The following PIBF1 variants were observed in gnomAD, a reference collection of about 807,000 sequenced individuals.
PIBF1 encodes the protein progesterone immunomodulatory binding factor 1.
PIBF1 carries 90 observed loss-of-function variants against 112.5 expected under a neutral mutation model. The observed-to-expected ratio is 0.80, with a 90% CI of 0.67 to 0.95. The LOEUF (loss-of-function observed/expected upper bound fraction) is 0.95, where lower values mean the gene tolerates loss of function less well. Among genes scored for constraint, PIBF1 ranks in the 40% least tolerant of loss-of-function variants. The pLI is 0.00. For missense variants in PIBF1, 915 were observed against 852.3 expected, an observed-to-expected ratio of 1.07 and a Z score of -0.92; for synonymous variants, 301 against 288.6, an observed-to-expected ratio of 1.04 and a Z score of -0.44.
intron 5 of PIBF1, among the ~76,000 whole-genome samples, chr13:72,800,270 A>T (rs1289690424): frequency 6.6e-6 from 1 of 152,222 alleles, no homozygotes; most frequent in Non-Finnish European, 1.5e-5. Flanking sequence ...TCCTGGCCTC[A>T]AGAGATCCAC....
chr13:72,794,796 C>G (rs1255774867), intron 3 of PIBF1, among the ~76,000 whole-genome samples: 3 of 152,164 alleles, frequency 2.0e-5, no homozygotes, highest in African/African-American at 7.2e-5. Context: ...TTGGGTATGT[C>G]TTTATTAGTA....
intron 16 of PIBF1, among the ~76,000 whole-genome samples, chr13:72,986,676 C>CTTTTTTTTTTTTTTTTTT (rs765529786): frequency 1.1e-5 from 1 of 89,006 alleles, no homozygotes; most frequent in Non-Finnish European, 2.1e-5. Context: ...TTTCTGTCAT[C>CTTTTTTTTTTTTTTTTTT]TTTTTTTTTT....
intron 14 of PIBF1, among the ~76,000 whole-genome samples, chr13:72,949,296 C>CTTTTTTTTTTTTTTTTTT (rs1566481258): frequency 9.0e-6 from 1 of 110,906 alleles, no homozygotes. Context: ...AGACAAATAG[C>CTTTTTTTTTTTTTTTTTT]TGTCTTTTTT....
At chr13:72,799,501 T>G (rs561404714) in intron 5 of PIBF1, among the ~76,000 whole-genome samples, 9 of 152,296 alleles carry the variant, frequency 5.9e-5, no homozygotes, top group African/African-American at 2.2e-4. Context: ...AGTTGTTTTC[T>G]TTTCTTCTCC....
intron 10 of PIBF1, among the ~76,000 whole-genome samples, chr13:72,863,009 G>A (rs1184831572): frequency 6.6e-6 from 1 of 152,034 alleles, no homozygotes; most frequent in Non-Finnish European, 1.5e-5. Context: ...GGGAATTGAT[G>A]GTAAGAGAAA....
intron 5 of PIBF1, among the ~76,000 whole-genome samples, chr13:72,802,986 G>A (rs1027489680): frequency 1.3e-5 from 2 of 152,180 alleles, no homozygotes; most frequent in Non-Finnish European, 2.9e-5. Flanking sequence ...TGTTTCAAAT[G>A]CTGTTGATAG....
chr13:72,844,869 A>C (rs1477608112), intron 9 of PIBF1, among the ~76,000 whole-genome samples: 1 of 144,964 alleles, frequency 6.9e-6, no homozygotes, highest in Non-Finnish European at 1.5e-5. Flanking sequence ...CTCCCCGCCG[A>C]CCTCAGCCTC....
intron 14 of PIBF1, among the ~76,000 whole-genome samples, chr13:72,953,794 G>A (rs1391361650): frequency 6.6e-6 from 1 of 152,120 alleles, no homozygotes; most frequent in Non-Finnish European, 1.5e-5. Context: ...CCAGGAGGTG[G>A]TGCTTGCAAA....
At chr13:72,793,855 C>G (rs1454240729) in intron 3 of PIBF1, among the ~76,000 whole-genome samples, 1 of 152,074 alleles carries the variant, frequency 6.6e-6, no homozygotes, top group Non-Finnish European at 1.5e-5. Flanking sequence ...GAGTAAAAAG[C>G]CTGAGTTCAA....
chr13:73,002,228 T>A (rs2043893023), intron 17 of PIBF1, among the ~76,000 whole-genome samples: 1 of 152,222 alleles, frequency 6.6e-6, no homozygotes, highest in Admixed American at 6.5e-5. Context: ...CCCAGTTTAG[T>A]TATGTTCTTA....
chr13:72,944,618 TTTTG>T (rs2042100250), intron 14 of PIBF1, among the ~76,000 whole-genome samples: 1 of 152,130 alleles, frequency 6.6e-6, no homozygotes, highest in African/African-American at 2.4e-5. Context: ...AAAGCTGCAT[TTTTG>T]TTTTATTTTT....
intron 10 of PIBF1, among the ~76,000 whole-genome samples, chr13:72,869,625 T>A (rs9543151): frequency 0.64 from 75,241 of 118,190 alleles, 20,269 homozygotes; most frequent in African/African-American, 0.75. Flanking sequence ...ATAATAATAA[T>A]AAAAAATAAA....
chr13:72,963,936 A>G (rs2042672407), intron 14 of PIBF1, among the ~76,000 whole-genome samples: 1 of 152,180 alleles, frequency 6.6e-6, no homozygotes, highest in South Asian at 2.1e-4. Context: ...TCAAAAAGTT[A>G]AATATAGAAT....
At chr13:72,789,545 G>A (rs1429279104) in intron 2 of PIBF1, among the ~76,000 whole-genome samples, 1 of 151,920 alleles carries the variant, frequency 6.6e-6, no homozygotes, top group African/African-American at 2.4e-5. Context: ...AGATCTGTGG[G>A]TTCCTTATTA....
chr13:72,986,909 T>TCTC (rs2043308689), intron 16 of PIBF1, among the ~76,000 whole-genome samples: 2 of 152,060 alleles, frequency 1.3e-5, no homozygotes, highest in Non-Finnish European at 2.9e-5. Context: ...GCCAGGATGG[T>TCTC]CTCGATCTCC....
rs35211035 is a variant in PIBF1 at position 72,827,238 on chromosome 13, ATTTTTTTT to A, written c.915+140_915+147del. The A allele has an allele frequency of 1.1e-3, 152 of 141,846 alleles. 1 individual carries two copies. In the South Asian group the frequency reaches 0.012, roughly 12 times the overall value. The allele number at this position is 141,846 out of a possible 1,614,324, so 8.8% of individuals were successfully genotyped here. On this transcript the variant is annotated intron_variant, in intron 7 of 17. Coordinates refer to ENST00000326291, the MANE Select transcript of PIBF1 (RefSeq NM_006346.4). ...TATGTAGTTCCTCCCAAAAAGATAAATTTTTTTTTTTTTTTTTTTTTTTTTTTGAGACA... is the reference window on the plus strand; with the variant it reads ...TATGTAGTTCCTCCCAAAAAGATAAATTTTTTTTTTTTTTTTTTTGAGACA...
intron 9 of PIBF1, among the ~76,000 whole-genome samples, chr13:72,837,932 G>A (rs1278055626): frequency 1.3e-5 from 2 of 152,142 alleles, no homozygotes; most frequent in Admixed American, 6.5e-5. Flanking sequence ...TTAAGAGATT[G>A]GAGAGAGAAT....
intron 17 of PIBF1, among the ~76,000 whole-genome samples, chr13:73,001,643 A>T (rs1342012251): frequency 5.6e-4 from 21 of 37,590 alleles, no homozygotes; most frequent in African/African-American, 1.4e-3. Flanking sequence ...TTTTTTGGAG[A>T]TGGAGTCTCT....
chr13:72,929,094 C>A lies in PIBF1; in HGVS notation c.1731-2071C>A, dbSNP rs185546365. On this transcript the variant is annotated intron_variant, in intron 13 of 17. Coordinates refer to ENST00000326291, the MANE Select transcript of PIBF1 (RefSeq NM_006346.4). ...TGAAAAATTACCATGTTTAAGTGACCCTAGTGTGAAGTTCTGTGGGACACA... is the reference window on the plus strand; with the variant it reads ...TGAAAAATTACCATGTTTAAGTGACACTAGTGTGAAGTTCTGTGGGACACA... Among the ~76,000 whole-genome samples, 12 of 152,070 alleles carry A rather than the reference C, an allele frequency of 7.9e-5. No individual in the cohort carries two copies. The East Asian group carries it at 2.3e-3, about 29-fold the overall frequency.
Sources: gnomAD v4.1 joint callset for allele counts (sites outside exome capture counted in the v4.1 genomes callset) on GRCh38, gnomAD v4.1.1 for gene constraint, MANE v1.5 for transcripts, NCBI Gene and HGNC (gene_info 2026-07-23, HGNC 2026-07-21) for gene names.